Variants in GOLGA4 observed in about 807,000 individuals in gnomAD.
The protein encoded by GOLGA4 is golgin subfamily A member 4.
In GOLGA4, 169 loss-of-function variants were observed where a neutral mutation model predicts 265.9. That is an observed-to-expected ratio of 0.64 (90% CI 0.56 to 0.72). GOLGA4 has a LOEUF of 0.72. Among genes scored for constraint, GOLGA4 ranks in the 30% least tolerant of loss-of-function variants. GOLGA4 has a pLI of 0.00. For synonymous variants in GOLGA4, 923 were observed against 855.8 expected (o/e 1.08, Z -1.37); for missense variants, 2,482 against 2,483.4 (o/e 1.00, Z 0.01).
intron 5 of GOLGA4, among the ~76,000 whole-genome samples, chr3:37,289,549 A>C (rs939091793): frequency 6.6e-6 from 1 of 152,218 alleles, no homozygotes; most frequent in African/African-American, 2.4e-5. Context: ...TCAACTTCCA[A>C]GGGTTAACTG....
intron 22 of GOLGA4, among the ~76,000 whole-genome samples, chr3:37,360,009 A>G (rs2097100330): frequency 6.6e-6 from 1 of 152,156 alleles, no homozygotes; most frequent in African/African-American, 2.4e-5. Context: ...ATAGAAAGGG[A>G]GTCCCTCATG....
At chr3:37,301,349 AGTG>A (rs2096892107) in intron 9 of GOLGA4, among the ~76,000 whole-genome samples, 1 of 152,362 alleles carries the variant, frequency 6.6e-6, no homozygotes, top group Admixed American at 6.5e-5. Context: ...AGTAAGGAAT[AGTG>A]GTGGTACCAG....
intron 22 of GOLGA4, 137 bp from the exon 23 acceptor site, chr3:37,361,105 CA>C: frequency 1.5e-6 from 1 of 662,502 alleles, no homozygotes; most frequent in Admixed American, 2.1e-5. Context: ...CTTGCCTGTA[CA>C]CCCTTGATTT....
rs138744362 is a variant in GOLGA4 at position 37,296,159 on chromosome 3, G to A, written c.754G>A (p.Glu252Lys). 2.5e-6 allele frequency: 4 copies of A among 1,613,776 alleles called. No homozygotes were observed. The African/African-American group carries it at 5.3e-5, about 22-fold the overall frequency. ...VDVLKPLPQL[E>K]PQAEVFTKEE... ...TGTACTGAAACCACTTCCTCAGCTG[G>A]AACCACAGGCTGAAGTCTTCACTAA... The change falls in exon 7 of 24, where the codon GAA becomes AAA. Residue 252 changes from glutamate (E) to lysine (K), a missense_variant. Physicochemically the swap from Glu to Lys is moderately conservative, Grantham distance 56 (BLOSUM62 1). Transcript: ENST00000361924.
At chr3:37,312,711 A>G (rs1049134484) in intron 10 of GOLGA4, among the ~76,000 whole-genome samples, 1 of 151,894 alleles carries the variant, frequency 6.6e-6, no homozygotes, top group Admixed American at 6.6e-5. Flanking sequence ...TTTTGTAGAG[A>G]TGGGATTTCA....
At chr3:37,358,733 G>A (rs1360578346) in intron 22 of GOLGA4, among the ~76,000 whole-genome samples, 1 of 152,088 alleles carries the variant, frequency 6.6e-6, no homozygotes, top group Admixed American at 6.5e-5. Context: ...GTAAATCATT[G>A]ATGTGTATAA....
intron 5 of GOLGA4, among the ~76,000 whole-genome samples, chr3:37,294,778 A>C (rs563805181): frequency 3.3e-5 from 5 of 152,178 alleles, no homozygotes; most frequent in Non-Finnish European, 5.9e-5. Flanking sequence ...TTGGATCTTC[A>C]TATTCTTTAA....
At chr3:37,271,849 GT>G (rs1207992311) in intron 2 of GOLGA4, among the ~76,000 whole-genome samples, 1 of 152,190 alleles carries the variant, frequency 6.6e-6, no homozygotes, top group Non-Finnish European at 1.5e-5. Context: ...TTTACAGCTG[GT>G]CTCCATCACC....
chr3:37,331,907 C>T (rs2096991692), intron 16 of GOLGA4, among the ~76,000 whole-genome samples: 1 of 152,146 alleles, frequency 6.6e-6, no homozygotes, highest in African/African-American at 2.4e-5. Flanking sequence ...ATATAACGGG[C>T]TCACAGGATA....
intron 16 of GOLGA4, among the ~76,000 whole-genome samples, chr3:37,334,745 A>G (rs1005044034): frequency 8.5e-5 from 13 of 152,168 alleles, no homozygotes; most frequent in Admixed American, 8.5e-4. Flanking sequence ...AAGGGGAAAT[A>G]AACAGCTTGA....
chr3:37,314,642 AAC>A (rs60890140), intron 10 of GOLGA4, among the ~76,000 whole-genome samples: 53,433 of 138,760 alleles, frequency 0.39, 11,630 homozygotes, highest in East Asian at 0.78. Context: ...CTCCGTCTCA[AAC>A]ACACACACAC....
intron 10 of GOLGA4, among the ~76,000 whole-genome samples, chr3:37,305,495 G>A (rs1258462169): frequency 6.6e-6 from 1 of 152,190 alleles, no homozygotes; most frequent in Non-Finnish European, 1.5e-5. Flanking sequence ...AAATGTAAAG[G>A]TATATGCCAA....
intron 2 of GOLGA4, among the ~76,000 whole-genome samples, chr3:37,263,390 C>T (rs945747569): frequency 2.6e-5 from 4 of 152,042 alleles, no homozygotes; most frequent in Non-Finnish European, 4.4e-5. Flanking sequence ...TAGTGATAAG[C>T]GGGAAAGAGG....
chr3:37,251,280 T>C, intron 1 of GOLGA4, 115 bp from the exon 2 acceptor site: 1 of 632,040 alleles, frequency 1.6e-6, no homozygotes, highest in Admixed American at 3.0e-5. Flanking sequence ...GTGTTTTTGC[T>C]CTTTTCCTTT....
chr3:37,355,528 A>G (rs540209466), intron 22 of GOLGA4, among the ~76,000 whole-genome samples: 3 of 152,154 alleles, frequency 2.0e-5, no homozygotes, highest in Non-Finnish European at 2.9e-5. Context: ...AAACCAAATT[A>G]TATCATCATG....
intron 2 of GOLGA4, among the ~76,000 whole-genome samples, chr3:37,265,015 C>T (rs911047481): frequency 2.0e-5 from 3 of 152,044 alleles, no homozygotes; most frequent in African/African-American, 7.2e-5. Flanking sequence ...AGTAGTAACA[C>T]CTTATATAAC....
At chr3:37,359,854 A>G (rs962711181) in intron 22 of GOLGA4, among the ~76,000 whole-genome samples, 1 of 152,242 alleles carries the variant, frequency 6.6e-6, no homozygotes, top group Non-Finnish European at 1.5e-5. Flanking sequence ...TGGGTTCAGG[A>G]AACACATACA....
rs191121471 is a variant in GOLGA4, at chr3:37,326,515, C to T, written c.4629C>T (p.Ser1543=). ...CCCAGAAAACTATTGAAATAGAGTCCTTAAATGAAGTTCTTAAAAATTACA... is the reference window on the plus strand; with the variant it reads ...CCCAGAAAACTATTGAAATAGAGTCTTTAAATGAAGTTCTTAAAAATTACA... The part of the protein sequence containing the change: ...HITQKTIEIE[S]LNEVLKNYNQ... The change falls in exon 14 of 24, where the codon TCC becomes TCT. Residue 1543 remains serine, a synonymous_variant. Transcript: ENST00000361924. 25 of 1,606,920 alleles carry T rather than the reference C, an allele frequency of 1.6e-5. No individual in the cohort carries two copies. In the East Asian group the frequency reaches 4.9e-4, roughly 32 times the overall value.
At chr3:37,284,959 C>G (rs1364918164) in intron 3 of GOLGA4, among the ~76,000 whole-genome samples, 1 of 152,168 alleles carries the variant, frequency 6.6e-6, no homozygotes, top group Non-Finnish European at 1.5e-5. Flanking sequence ...GCCACCATGC[C>G]TGGCTGTATT....
Sources: gnomAD v4.1 joint callset for allele counts (sites outside exome capture counted in the v4.1 genomes callset) on GRCh38, gnomAD v4.1.1 for gene constraint, MANE v1.5 for transcripts, NCBI Gene and HGNC (gene_info 2026-07-23, HGNC 2026-07-21) for gene names.